The following CNTNAP2 variants were observed in gnomAD, a reference collection of about 807,000 sequenced individuals.
CNTNAP2 encodes the protein contactin associated protein 2.
A neutral mutation model predicts 155.2 loss-of-function variants in CNTNAP2; 98 were observed. That is an observed-to-expected ratio of 0.63 (90% CI 0.54 to 0.75). CNTNAP2 has a LOEUF of 0.75. Ranked by LOEUF, CNTNAP2 falls within the 30% of genes least tolerant of loss-of-function variation. The probability of loss-of-function intolerance (pLI) is 0.00; values close to 1 mark genes in which losing one functional copy is unlikely to be tolerated. For synonymous variants in CNTNAP2, 651 were observed against 631.2 expected (o/e 1.03, Z -0.47); for missense variants, 1,727 against 1,688.1 (o/e 1.02, Z -0.40).
intron 9 of CNTNAP2, among the ~76,000 whole-genome samples, chr7:147,386,139 C>T (rs1241181439): frequency 6.6e-6 from 1 of 152,126 alleles, no homozygotes; most frequent in Non-Finnish European, 1.5e-5. Flanking sequence ...CTCTAGACTG[C>T]ACATAGCAGA....
At chr7:147,725,450 A>G (rs1002019257) in intron 13 of CNTNAP2, among the ~76,000 whole-genome samples, 1 of 152,082 alleles carries the variant, frequency 6.6e-6, no homozygotes, top group Non-Finnish European at 1.5e-5. Context: ...TGATCAAAAG[A>G]TGCTTCTGCG....
At chr7:147,316,353 G>A (rs1795233307) in intron 9 of CNTNAP2, among the ~76,000 whole-genome samples, 1 of 152,046 alleles carries the variant, frequency 6.6e-6, no homozygotes, top group Non-Finnish European at 1.5e-5. Flanking sequence ...ATGGAGAGGA[G>A]GATTAGAAGA....
intron 1 of CNTNAP2, among the ~76,000 whole-genome samples, chr7:146,628,042 C>A (rs1424258166): frequency 6.6e-6 from 1 of 151,986 alleles, no homozygotes; most frequent in Non-Finnish European, 1.5e-5. Flanking sequence ...CCCAGTTTTT[C>A]CAAAGATATA....
chr7:146,663,929 C>A (rs1800139923), intron 1 of CNTNAP2, among the ~76,000 whole-genome samples: 2 of 152,016 alleles, frequency 1.3e-5, no homozygotes, highest in South Asian at 2.1e-4. Flanking sequence ...AAGCAAGCCT[C>A]CCTGCTTTCT....
At chr7:146,866,924 A>T (rs1795216052) in intron 3 of CNTNAP2, among the ~76,000 whole-genome samples, 1 of 152,134 alleles carries the variant, frequency 6.6e-6, no homozygotes, top group Admixed American at 6.6e-5. Context: ...AAACATTGTA[A>T]TATCATATAT....
intron 1 of CNTNAP2, among the ~76,000 whole-genome samples, chr7:146,182,589 C>A (rs765826230): frequency 3.6e-4 from 55 of 152,144 alleles, no homozygotes; most frequent in Non-Finnish European, 1.9e-4. Context: ...CTTTTCTTAT[C>A]CATTTCCATC....
intron 1 of CNTNAP2, among the ~76,000 whole-genome samples, chr7:146,695,843 G>A (rs1316368984): frequency 6.6e-6 from 1 of 152,054 alleles, no homozygotes; most frequent in Admixed American, 6.6e-5. Flanking sequence ...ACCTCACATG[G>A]TTATTTATCA....
chr7:148,287,749 C>A (rs1448190532), intron 21 of CNTNAP2, among the ~76,000 whole-genome samples: 1 of 151,692 alleles, frequency 6.6e-6, no homozygotes, highest in East Asian at 1.9e-4. Flanking sequence ...GAAGGCAAGA[C>A]CAGGTCAACT....
At chr7:147,509,661 T>G (rs142355137) in intron 11 of CNTNAP2, among the ~76,000 whole-genome samples, 1 of 152,194 alleles carries the variant, frequency 6.6e-6, no homozygotes, top group South Asian at 2.1e-4. Flanking sequence ...GGCTTACATA[T>G]AGTTGTAAAA....
intron 4 of CNTNAP2, among the ~76,000 whole-genome samples, chr7:147,089,634 A>T (rs914848269): frequency 6.6e-6 from 1 of 152,204 alleles, no homozygotes; most frequent in Admixed American, 6.5e-5. Context: ...CTTGGGTAGG[A>T]GTTAACTAAG....
chr7:146,756,643 G>A (rs1047451558), intron 1 of CNTNAP2, among the ~76,000 whole-genome samples: 4 of 151,964 alleles, frequency 2.6e-5, no homozygotes, highest in South Asian at 4.1e-4. Flanking sequence ...TCACCAAATC[G>A]AAAACTGAGG....
chr7:146,781,687 TA>T (rs1275750817), intron 2 of CNTNAP2, among the ~76,000 whole-genome samples: 12 of 152,200 alleles, frequency 7.9e-5, no homozygotes, highest in South Asian at 2.1e-4. Flanking sequence ...CTGCTACTCC[TA>T]GAAAGAAAAT....
intron 18 of CNTNAP2, among the ~76,000 whole-genome samples, chr7:148,194,010 G>C (rs566843911): frequency 1.3e-5 from 2 of 149,836 alleles, no homozygotes; most frequent in South Asian, 4.3e-4. Context: ...TTGCTCTGTC[G>C]CCCAGGCTGC....
intron 9 of CNTNAP2, among the ~76,000 whole-genome samples, chr7:147,338,228 T>C (rs927332966): frequency 1.3e-5 from 2 of 152,120 alleles, no homozygotes; most frequent in Non-Finnish European, 2.9e-5. Flanking sequence ...CAGGTGCTTA[T>C]AACCATCAGA....
At chr7:147,102,783 AAAAG>A (rs1358893681) in intron 4 of CNTNAP2, among the ~76,000 whole-genome samples, 1 of 152,198 alleles carries the variant, frequency 6.6e-6, no homozygotes, top group Non-Finnish European at 1.5e-5. Flanking sequence ...TACATTGAAA[AAAAG>A]AAAGGCAGTG....
intron 6 of CNTNAP2, among the ~76,000 whole-genome samples, chr7:147,126,995 C>A (rs1431733667): frequency 2.0e-5 from 3 of 151,854 alleles, no homozygotes; most frequent in Non-Finnish European, 4.4e-5. Flanking sequence ...AGTGAAAGGT[C>A]CGAATTAAAG....
rs143423983 is a variant in CNTNAP2 at position 146,304,893 on chromosome 7, C to G, written c.97+187920C>G. ...CAACTTGGTTCCATTCTCCCCCTCACTTTCAGGTACACCAATCAGATGTAG... is the reference window on the plus strand; with the variant it reads ...CAACTTGGTTCCATTCTCCCCCTCAGTTTCAGGTACACCAATCAGATGTAG... On this transcript the variant is annotated intron_variant, in intron 1 of 23. Coordinates refer to ENST00000361727, the MANE Select transcript of CNTNAP2 (RefSeq NM_014141.6). Among the ~76,000 whole-genome samples the G allele has an allele frequency of 3.0e-4, 45 of 152,232 alleles. 1 individual carries two copies. The East Asian group carries it at 8.3e-3, about 28-fold the overall frequency.
chr7:147,813,443 C>A (rs1337716015), intron 13 of CNTNAP2, among the ~76,000 whole-genome samples: 2 of 152,160 alleles, frequency 1.3e-5, no homozygotes, highest in Non-Finnish European at 2.9e-5. Context: ...CTAATTGAAG[C>A]AGAAGGTAGC....
intron 1 of CNTNAP2, among the ~76,000 whole-genome samples, chr7:146,555,072 T>G (rs1251487225): frequency 6.6e-6 from 1 of 152,202 alleles, no homozygotes; most frequent in African/African-American, 2.4e-5. Context: ...TTTCTTACTC[T>G]TCCCTCAGCA....
Sources: allele counts gnomAD v4.1 joint callset (sites outside exome capture counted in the v4.1 genomes callset), GRCh38; gene constraint gnomAD v4.1.1; transcripts MANE v1.5; gene names NCBI Gene and HGNC (gene_info 2026-07-23, HGNC 2026-07-21).